Variants in RASEF observed in about 807,000 individuals in gnomAD.
RASEF encodes the protein ras and EF-hand domain-containing protein.
Under a neutral mutation model 90.1 loss-of-function variants are expected in RASEF, and 68 were observed. The ratio of observed to expected loss-of-function variants is 0.75; its 90% CI spans 0.62 to 0.92. The LOEUF (loss-of-function observed/expected upper bound fraction) is 0.92, where lower values mean the gene tolerates loss of function less well. Among genes scored for constraint, RASEF ranks in the 40% least tolerant of loss-of-function variants. The probability of loss-of-function intolerance (pLI) is 0.00; values close to 1 mark genes in which losing one functional copy is unlikely to be tolerated. For missense variants in RASEF, 949 were observed against 937.2 expected (o/e 1.01, Z -0.16); for synonymous variants, 331 against 345.2 (o/e 0.96, Z 0.46).
the RASEF span, among the ~76,000 whole-genome samples, chr9:83,079,610 C>T: frequency 6.6e-6 from 1 of 152,120 alleles, no homozygotes; most frequent in Non-Finnish European, 1.5e-5. Context: ...GATTACAATT[C>T]AATATGAGAT....
At chr9:83,039,816 A>G (rs1829806641) in intron 1 of RASEF, among the ~76,000 whole-genome samples, 2 of 152,170 alleles carry the variant, frequency 1.3e-5, no homozygotes, top group Non-Finnish European at 2.9e-5. Context: ...AGTCCAACTC[A>G]AGAAACTGTC....
the RASEF span, among the ~76,000 whole-genome samples, chr9:83,161,231 A>C: frequency 6.6e-6 from 1 of 152,194 alleles, no homozygotes; most frequent in Non-Finnish European, 1.5e-5. Flanking sequence ...ACAGATGCTG[A>C]ATGCCAGCCC....
At chr9:83,010,639 G>T (rs1829223316) in intron 5 of RASEF, among the ~76,000 whole-genome samples, 1 of 152,198 alleles carries the variant, frequency 6.6e-6, no homozygotes, top group Non-Finnish European at 1.5e-5. Flanking sequence ...ACCCTAGCAA[G>T]TAACAGCAGA....
At chr9:83,157,199 T>C in the RASEF span, among the ~76,000 whole-genome samples, 6 of 152,180 alleles carry the variant, frequency 3.9e-5, no homozygotes, top group African/African-American at 1.2e-4. Flanking sequence ...ACGTAAGTGA[T>C]AGGTTAGTGT....
the RASEF span, among the ~76,000 whole-genome samples, chr9:83,089,889 AGAT>A: frequency 9.1e-3 from 1,282 of 141,380 alleles, 10 homozygotes; most frequent in African/African-American, 0.031. Flanking sequence ...CTTTATAGAT[AGAT>A]GATAGATAGA....
chr9:82,983,841 C>T (rs939234703), intron 16 of RASEF, among the ~76,000 whole-genome samples: 10 of 152,182 alleles, frequency 6.6e-5, no homozygotes, highest in African/African-American at 1.7e-4. Context: ...TGAGATGCCA[C>T]GTGGAGTGAA....
chr9:83,004,731 T>C (rs1161252625), intron 8 of RASEF, 145 bp from the exon 9 acceptor site: 2 of 585,086 alleles, frequency 3.4e-6, no homozygotes, highest in Non-Finnish European at 6.1e-6. Context: ...TTACACTACC[T>C]GAGCAAATGT....
chr9:83,057,184 G>T (rs1830116924), intron 1 of RASEF, among the ~76,000 whole-genome samples: 1 of 152,182 alleles, frequency 6.6e-6, no homozygotes, highest in Admixed American at 6.5e-5. Context: ...GGAAGTCCTA[G>T]CCAGAGCAAT....
At chr9:83,062,348 G>A (rs918538842) in intron 1 of RASEF, 89 bp downstream of exon 1, 84 of 1,156,172 alleles carry the variant, frequency 7.3e-5, no homozygotes, top group Middle Eastern at 3.9e-4. Context: ...TAGGGGGGGG[G>A]GCCATTGGGT....
At chr9:83,036,626 G>A (rs1363179618) in intron 1 of RASEF, among the ~76,000 whole-genome samples, 1 of 152,118 alleles carries the variant, frequency 6.6e-6, no homozygotes, top group Non-Finnish European at 1.5e-5. Context: ...GCTCCAAATG[G>A]TTAACTGTCA....
chr9:83,049,230 C>T, intron 1 of RASEF: 1 of 767,204 alleles, frequency 1.3e-6, no homozygotes, highest in Non-Finnish European at 1.6e-6. Flanking sequence ...TATAAACTTC[C>T]TTGTACCAAC....
At chr9:83,046,526 T>C (rs1156702712) in intron 1 of RASEF, among the ~76,000 whole-genome samples, 1 of 152,156 alleles carries the variant, frequency 6.6e-6, no homozygotes, top group African/African-American at 2.4e-5. Context: ...TTGAAGTACA[T>C]GCGATACCAA....
At chr9:83,061,159 AT>A in intron 1 of RASEF, among the ~76,000 whole-genome samples, 1 of 152,208 alleles carries the variant, frequency 6.6e-6, no homozygotes, top group East Asian at 1.9e-4. Context: ...CAGTGTTTAA[AT>A]TTTGCTACTT....
At chr9:83,134,059 G>T in the RASEF span, among the ~76,000 whole-genome samples, 1 of 152,014 alleles carries the variant, frequency 6.6e-6, no homozygotes, top group Non-Finnish European at 1.5e-5. Flanking sequence ...ATAGGTATGG[G>T]TATACACATA....
At chr9:83,151,964 A>C in the RASEF span, among the ~76,000 whole-genome samples, 2 of 152,154 alleles carry the variant, frequency 1.3e-5, no homozygotes, top group Non-Finnish European at 2.9e-5. Flanking sequence ...GCGTCGCAAA[A>C]CCAAGAGGGG....
intron 2 of RASEF, among the ~76,000 whole-genome samples, chr9:83,025,146 A>G: frequency 6.6e-6 from 1 of 152,222 alleles, no homozygotes; most frequent in East Asian, 1.9e-4. Context: ...TATCCTATGT[A>G]AGCTAGCTAT....
rs577105216 is a variant in RASEF, at chr9:82,999,290, G to A, written c.1724-844C>T. On this transcript the variant is annotated intron_variant, in intron 12 of 16. Transcript: ENST00000376447. ...GGTAACGGATCATATATCTGGCTAT[G>A]ATTTTGACCATAATGACAAAGTGGC... is the stretch of plus-strand genomic sequence containing the variant. Among the ~76,000 whole-genome samples, 13 of 152,254 alleles carry A rather than the reference G, an allele frequency of 8.5e-5. 1 individual carries two copies. In the South Asian group the frequency reaches 1.0e-3, roughly 12 times the overall value.
At chr9:83,212,198 G>A in the RASEF span, among the ~76,000 whole-genome samples, 1 of 152,150 alleles carries the variant, frequency 6.6e-6, no homozygotes, top group East Asian at 1.9e-4. Context: ...AAGACAGATA[G>A]GTTAAGTAAC....
At chr9:83,080,826 T>C in the RASEF span, among the ~76,000 whole-genome samples, 10 of 152,286 alleles carry the variant, frequency 6.6e-5, no homozygotes, top group African/African-American at 2.2e-4. Context: ...ATTATGAAAA[T>C]ACAAAATTCT....
Sources: allele counts gnomAD v4.1 joint callset (sites outside exome capture counted in the v4.1 genomes callset), GRCh38; gene constraint gnomAD v4.1.1; transcripts MANE v1.5; gene names NCBI Gene and HGNC (gene_info 2026-07-23, HGNC 2026-07-21).